Variants in RSPO2 observed in about 807,000 individuals in gnomAD.
RSPO2 encodes the protein R-spondin 2.
A neutral mutation model predicts 30.9 loss-of-function variants in RSPO2; 14 were observed. The observed-to-expected ratio is 0.45, with a 90% confidence interval of 0.30 to 0.71. The LOEUF (loss-of-function observed/expected upper bound fraction) is 0.71, where lower values mean the gene tolerates loss of function less well. Ranked by LOEUF, RSPO2 falls within the 30% of genes least tolerant of loss-of-function variation. The pLI is 0.08. For missense variants in RSPO2, 264 were observed against 301.9 expected (o/e 0.87, Z 0.93); for synonymous variants, 107 against 96.4 (o/e 1.11, Z -0.64).
chr8:108,040,163 A>G (rs1044949364), intron 2 of RSPO2, among the ~76,000 whole-genome samples: 3 of 152,160 alleles, frequency 2.0e-5, no homozygotes, highest in East Asian at 3.9e-4. Context: ...AAATAATACT[A>G]AACACCCATT....
chr8:107,933,476 A>ATG (rs984397388), intron 5 of RSPO2, among the ~76,000 whole-genome samples: 3 of 151,996 alleles, frequency 2.0e-5, no homozygotes, highest in Non-Finnish European at 4.4e-5. Flanking sequence ...CTCTCTCTAT[A>ATG]TGTGTGTGTG....
chr8:107,959,991 G>T (rs569186091), intron 4 of RSPO2, among the ~76,000 whole-genome samples: 7 of 152,106 alleles, frequency 4.6e-5, no homozygotes, highest in Admixed American at 4.6e-4. Context: ...TGGGGAGGGG[G>T]CATGACAATA....
intron 2 of RSPO2, among the ~76,000 whole-genome samples, chr8:108,003,402 G>T (rs775742215): frequency 1.4e-5 from 2 of 142,610 alleles, no homozygotes; most frequent in East Asian, 2.2e-4. Context: ...TGGGTAATCC[G>T]CCGACCTCTG....
chr8:107,925,044 G>A (rs973971010), intron 5 of RSPO2, among the ~76,000 whole-genome samples: 13 of 152,066 alleles, frequency 8.5e-5, no homozygotes, highest in Middle Eastern at 3.4e-3. Flanking sequence ...ATTTATAAGT[G>A]ATAACATATG....
At chr8:108,021,368 A>G (rs1257838848) in intron 2 of RSPO2, among the ~76,000 whole-genome samples, 1 of 152,200 alleles carries the variant, frequency 6.6e-6, no homozygotes, top group African/African-American at 2.4e-5. Context: ...GATGGGTATC[A>G]GTGACCTAAG....
At chr8:107,907,051 AAT>A (rs1218673717) in intron 5 of RSPO2, among the ~76,000 whole-genome samples, 45 of 152,092 alleles carry the variant, frequency 3.0e-4, no homozygotes, top group African/African-American at 1.1e-3. Flanking sequence ...ATTTATTAAA[AAT>A]AAATTTACAT....
At chr8:107,983,599 A>G in intron 3 of RSPO2, 1 of 1,596,830 alleles carries the variant, frequency 6.3e-7, no homozygotes, top group Admixed American at 1.7e-5. Flanking sequence ...TAAAGCCCCA[A>G]AAGACGATAA....
intron 4 of RSPO2, among the ~76,000 whole-genome samples, chr8:107,958,926 T>C (rs1264420898): frequency 6.6e-6 from 1 of 152,226 alleles, no homozygotes; most frequent in African/African-American, 2.4e-5. Context: ...ATGTACCACA[T>C]TTTCTTTATG....
intron 3 of RSPO2, chr8:107,983,301 T>G (rs1467620588): frequency 6.2e-7 from 1 of 1,603,964 alleles, no homozygotes; most frequent in Non-Finnish European, 8.5e-7. Context: ...TGCAAAGGGA[T>G]AGCCATATGA....
chr8:108,072,854 G>T (rs2130728079), intron 2 of RSPO2, among the ~76,000 whole-genome samples: 1 of 152,230 alleles, frequency 6.6e-6, no homozygotes, highest in East Asian at 1.9e-4. Flanking sequence ...AAAGATTAAA[G>T]AATTCGAAAA....
intron 5 of RSPO2, among the ~76,000 whole-genome samples, chr8:107,914,707 G>A (rs911484031): frequency 6.6e-6 from 1 of 152,042 alleles, no homozygotes; most frequent in Admixed American, 6.6e-5. Flanking sequence ...AAATCAGAAG[G>A]AATTAATGAA....
chr8:107,982,572 C>T (rs1036369139), intron 3 of RSPO2, among the ~76,000 whole-genome samples: 50 of 152,134 alleles, frequency 3.3e-4, no homozygotes, highest in African/African-American at 1.2e-3. Context: ...TCTGTGTGAG[C>T]CTTCCAGTTA....
chr8:108,064,741 C>T (rs918642893), intron 2 of RSPO2, among the ~76,000 whole-genome samples: 17 of 152,124 alleles, frequency 1.1e-4, no homozygotes, highest in Admixed American at 2.0e-4. Flanking sequence ...TATTGGGGCA[C>T]TATTCACAAT....
chr8:108,033,698 T>C (rs1811503483), intron 2 of RSPO2, among the ~76,000 whole-genome samples: 1 of 152,228 alleles, frequency 6.6e-6, no homozygotes, highest in Non-Finnish European at 1.5e-5. Flanking sequence ...AAAAAGCAGC[T>C]CTTGCTATGG....
chr8:108,051,085 A>G (rs1812064933), intron 2 of RSPO2, among the ~76,000 whole-genome samples: 1 of 152,206 alleles, frequency 6.6e-6, no homozygotes, highest in Non-Finnish European at 1.5e-5. Context: ...TTAAGCAATG[A>G]GCAAAATCTT....
intron 3 of RSPO2, among the ~76,000 whole-genome samples, chr8:107,978,213 A>G (rs1814282700): frequency 6.6e-6 from 1 of 152,174 alleles, no homozygotes; most frequent in South Asian, 2.1e-4. Context: ...AGATCACCCC[A>G]GGTCAGGAGT....
intron 2 of RSPO2, among the ~76,000 whole-genome samples, chr8:108,037,429 G>C (rs573320439): frequency 6.6e-6 from 1 of 152,254 alleles, no homozygotes; most frequent in South Asian, 2.1e-4. Context: ...AGCTAGCAGA[G>C]GTTGGTTCAT....
chr8:108,070,513 C>T (rs1463116159), intron 2 of RSPO2, among the ~76,000 whole-genome samples: 2 of 151,944 alleles, frequency 1.3e-5, no homozygotes, highest in African/African-American at 4.8e-5. Flanking sequence ...AGGATGGTCT[C>T]GATCTCCTGA....
At chr8:108,000,022 G>A (rs1034261143) in intron 2 of RSPO2, among the ~76,000 whole-genome samples, 2 of 152,124 alleles carry the variant, frequency 1.3e-5, no homozygotes, top group Non-Finnish European at 1.5e-5. Context: ...TGAGGTATGT[G>A]TCATGAATGC....
Sources: gnomAD v4.1 joint callset for allele counts (sites outside exome capture counted in the v4.1 genomes callset) on GRCh38, gnomAD v4.1.1 for gene constraint, MANE v1.5 for transcripts, NCBI Gene and HGNC (gene_info 2026-07-23, HGNC 2026-07-21) for gene names.